Variants in LRRK1 observed in about 807,000 individuals in gnomAD.
LRRK1 encodes leucine rich repeat kinase 1.
LRRK1 carries 113 observed loss-of-function variants against 209.1 expected under a neutral mutation model. The observed-to-expected ratio is 0.54, with a 90% CI of 0.46 to 0.63. The LOEUF (loss-of-function observed/expected upper bound fraction) is 0.63. Among genes scored for constraint, LRRK1 ranks in the 30% least tolerant of loss-of-function variants. LRRK1 has a pLI of 0.00. For missense variants in LRRK1, 2,284 were observed against 2,632.2 expected, an observed-to-expected ratio of 0.87 and a Z score of 2.89; for synonymous variants, 1,144 against 1,099.7, an observed-to-expected ratio of 1.04 and a Z score of -0.80.
intron 2 of LRRK1, among the ~76,000 whole-genome samples, chr15:100,947,123 A>G (rs1398964363): frequency 6.6e-6 from 1 of 151,912 alleles, no homozygotes; most frequent in Non-Finnish European, 1.5e-5. Flanking sequence ...ATAACTGGCT[A>G]ATTTTTTTGT....
At chr15:100,922,236 C>G (rs1028481729) in intron 1 of LRRK1, among the ~76,000 whole-genome samples, 2 of 152,108 alleles carry the variant, frequency 1.3e-5, no homozygotes, top group Non-Finnish European at 2.9e-5. Flanking sequence ...AGCAAAGATC[C>G]GTTTGAGGGC....
At chr15:100,941,444 G>GTGTGCCTGTATCTGTGTGCGTCTGTGTC (rs1567191149) in intron 2 of LRRK1, among the ~76,000 whole-genome samples, 1 of 137,278 alleles carries the variant, frequency 7.3e-6, no homozygotes, top group African/African-American at 3.0e-5. Flanking sequence ...GTGTGTGTGT[G>GTGTGCCTGTATCTGTGTGCGTCTGTGTC]TCTGTGTGTG....
At chr15:100,966,511 A>G (rs553052775) in intron 2 of LRRK1, among the ~76,000 whole-genome samples, 1 of 152,076 alleles carries the variant, frequency 6.6e-6, no homozygotes, top group East Asian at 1.9e-4. Context: ...CATGCCTAAT[A>G]CTCACTATGG....
At chr15:101,021,341 G>T (rs186588945) in intron 13 of LRRK1, among the ~76,000 whole-genome samples, 159 bp downstream of exon 13, 3 of 152,290 alleles carry the variant, frequency 2.0e-5, no homozygotes, top group Non-Finnish European at 4.4e-5. Flanking sequence ...TGATCAAGGA[G>T]GTGGGGAGAG....
intron 13 of LRRK1, 121 bp from the exon 14 acceptor site, chr15:101,021,724 G>A: frequency 3.1e-6 from 2 of 636,814 alleles, no homozygotes; most frequent in South Asian, 3.9e-5. Flanking sequence ...AGGGCTCAAA[G>A]TGTGGGGTCT....
intron 20 of LRRK1, among the ~76,000 whole-genome samples, chr15:101,031,977 G>A (rs966799867): frequency 1.3e-5 from 2 of 152,146 alleles, no homozygotes; most frequent in African/African-American, 2.4e-5. Flanking sequence ...CTCGTGATCC[G>A]CCTGCCTTGG....
At chr15:100,947,355 C>T (rs28427330) in intron 2 of LRRK1, among the ~76,000 whole-genome samples, 4,474 of 152,148 alleles carry the variant, frequency 0.029, 85 homozygotes, top group Middle Eastern at 0.044. Context: ...TACACTGTGC[C>T]CATTCCTATG....
intron 13 of LRRK1, 98 bp from the exon 14 acceptor site, chr15:101,021,747 G>A: frequency 1.3e-6 from 1 of 791,828 alleles, no homozygotes; most frequent in South Asian, 1.7e-5. Flanking sequence ...GGTACAGGCT[G>A]CAGAGGCTGA....
chr15:100,966,467 C>A (rs1470915029), intron 2 of LRRK1, among the ~76,000 whole-genome samples: 1 of 152,160 alleles, frequency 6.6e-6, no homozygotes, highest in African/African-American at 2.4e-5. Context: ...GAAGAAAAAT[C>A]TTTTCTAGTT....
At chr15:100,945,367 T>C (rs1026250160) in intron 2 of LRRK1, among the ~76,000 whole-genome samples, 2 of 152,116 alleles carry the variant, frequency 1.3e-5, no homozygotes, top group Non-Finnish European at 2.9e-5. Flanking sequence ...TGAAAAATGG[T>C]ACCTCAGCCT....
intron 29 of LRRK1, among the ~76,000 whole-genome samples, chr15:101,060,542 G>A (rs757040000): frequency 1.3e-5 from 2 of 152,192 alleles, no homozygotes; most frequent in Non-Finnish European, 2.9e-5. Context: ...ACTGCTATCC[G>A]CGAGCTTAAC....
chr15:100,941,276 G>A (rs1422778406), intron 2 of LRRK1, among the ~76,000 whole-genome samples: 1 of 144,918 alleles, frequency 6.9e-6, no homozygotes, highest in African/African-American at 2.5e-5. Flanking sequence ...CTCTGTGTGT[G>A]TCCGTGTGTG....
chr15:101,071,964 G>A lies in LRRK1; in HGVS notation c.*3116G>A, dbSNP rs2036823331. On this transcript the variant is annotated 3_prime_UTR_variant, in exon 34 of 34. Coordinates refer to ENST00000388948, the MANE Select transcript of LRRK1 (RefSeq NM_024652.6). ...GACCCTGTTGTGGGTTCAAGCCACT[G>A]TGTGGGAGGGACAGGAGAGCCTGGC... 1 of 152,344 alleles carries A rather than the reference G, an allele frequency of 6.6e-6. No homozygotes were observed. Among genetic ancestry groups the A allele is most frequent in the Non-Finnish European group, 1.5e-5 (1 of 68,110 alleles). The allele number at this position is 152,344 out of a possible 1,614,324, so 9.4% of individuals were successfully genotyped here.
intron 2 of LRRK1, among the ~76,000 whole-genome samples, chr15:100,949,623 C>G (rs2042607120): frequency 6.6e-6 from 1 of 152,124 alleles, no homozygotes; most frequent in Non-Finnish European, 1.5e-5. Context: ...AAAATCTCAA[C>G]AAGACACTAG....
Position 101,010,484 on chromosome 15 carries a change from T to C in LRRK1, c.1024T>C (p.Ser342Pro), listed in dbSNP as rs1490853664. The change falls in exon 8 of 34, where the codon TCC (serine) becomes CCC (proline). Residue 342 changes from serine (S) to proline (P), a missense_variant. Physicochemically the swap from Ser to Pro is moderately conservative, Grantham distance 74. Transcript: ENST00000388948. Reference protein sequence around the residue: ...LEIDISSNKLSHLPPGFLHLS... With the variant: ...LEIDISSNKLPHLPPGFLHLS... The stretch of plus-strand genomic sequence containing the variant: ...AATTGACATTTCCAGCAACAAGTTG[T>C]CCCACCTCCCTCCTGGATTCTTGCA... 4 of 1,612,036 alleles carry C rather than the reference T, an allele frequency of 2.5e-6. No homozygotes were observed. Among genetic ancestry groups the C allele is most frequent in the African/African-American group, 2.7e-5 (2 of 74,876 alleles).
intron 2 of LRRK1, among the ~76,000 whole-genome samples, chr15:100,942,885 C>T (rs1274608960): frequency 1.3e-5 from 2 of 152,080 alleles, no homozygotes; most frequent in African/African-American, 4.8e-5. Context: ...GTGCACTCAC[C>T]CGGAGACGGC....
chr15:100,995,385 G>A (rs1235383025), intron 6 of LRRK1, among the ~76,000 whole-genome samples: 1 of 152,170 alleles, frequency 6.6e-6, no homozygotes, highest in Non-Finnish European at 1.5e-5. Flanking sequence ...GCAGTGGCTG[G>A]CTGCTTGGGT....
chr15:100,998,500 T>C (rs1346071668), intron 6 of LRRK1, among the ~76,000 whole-genome samples: 1 of 152,222 alleles, frequency 6.6e-6, no homozygotes, highest in Non-Finnish European at 1.5e-5. Flanking sequence ...GACATTCTTC[T>C]TTAATCAATT....
intron 33 of LRRK1, chr15:101,067,211 A>C (rs2036580472): frequency 2.2e-6 from 1 of 455,744 alleles, no homozygotes; most frequent in Non-Finnish European, 4.4e-6. Context: ...GACATAGCTC[A>C]GTACCTGTCT....
Sources: allele counts gnomAD v4.1 joint callset (sites outside exome capture counted in the v4.1 genomes callset), GRCh38; gene constraint gnomAD v4.1.1; transcripts MANE v1.5; gene names NCBI Gene and HGNC (gene_info 2026-07-23, HGNC 2026-07-21).